Variants in DAB2IP observed in about 807,000 individuals in gnomAD.
DAB2IP encodes DAB2 interacting protein, also known as disabled homolog 2-interacting protein.
DAB2IP carries 28 observed loss-of-function variants against 107.2 expected under a neutral mutation model. The observed-to-expected ratio is 0.26, with a 90% CI of 0.19 to 0.36. DAB2IP has a LOEUF of 0.36. Ranked by LOEUF, DAB2IP falls within the 10% of genes least tolerant of loss-of-function variation. The pLI, the probability that DAB2IP is intolerant of heterozygous loss-of-function variation, is 1.00. For missense variants in DAB2IP, 1,400 were observed against 1,644.7 expected, an observed-to-expected ratio of 0.85 and a Z score of 2.57; for synonymous variants, 755 against 706.4, an observed-to-expected ratio of 1.07 and a Z score of -1.09.
At chr9:121,669,384 C>T (rs1207593288) in intron 1 of DAB2IP, among the ~76,000 whole-genome samples, 2 of 152,062 alleles carry the variant, frequency 1.3e-5, no homozygotes, top group Non-Finnish European at 2.9e-5. Context: ...AGCCAAAGAC[C>T]CACCAAGAGT....
In DAB2IP at chr9:121,772,798, T is replaced by C. The variant is rs200073956; in HGVS notation, c.2270T>C (p.Leu757Pro). 1.9e-6 allele frequency: 3 copies of C among 1,612,506 alleles called. No individual in the cohort carries two copies. The highest frequency in any genetic ancestry group is 2.5e-6 in the Non-Finnish European group (3 of 1,179,644). ...GTGGACCTCCAGGACGCCCGCACGC[T>C]GGATGGGGAGGCAGGCTCCCCGGCG... is the stretch of plus-strand genomic sequence containing the variant. Residue 757 changes from leucine to proline, a missense_variant, in exon 12 of 16, where the codon CTG (leucine) becomes CCG (proline). Leu to Pro is a moderately conservative substitution (Grantham distance 98). This residue lies in a region of DAB2IP where 600 missense variants were observed against 659.1 expected (regional missense o/e 0.91). Transcript: ENST00000408936. This position sits in a 1 kb window ranked among gnomAD's most constrained non-coding sequence, Gnocchi z 4.7.
At chr9:121,627,909 A>G (rs1831722282) in intron 1 of DAB2IP, among the ~76,000 whole-genome samples, 1 of 152,122 alleles carries the variant, frequency 6.6e-6, no homozygotes, top group Admixed American at 6.5e-5. Flanking sequence ...GCTGCGTAGA[A>G]CTTTCTGCAG....
At chr9:121,632,391 A>G (rs1206653236) in intron 1 of DAB2IP, among the ~76,000 whole-genome samples, 1 of 152,146 alleles carries the variant, frequency 6.6e-6, no homozygotes, top group Non-Finnish European at 1.5e-5. Flanking sequence ...GGACTGGAGG[A>G]GATGCAGGGA....
intron 1 of DAB2IP, among the ~76,000 whole-genome samples, chr9:121,668,053 G>A (rs1486673140): frequency 2.0e-5 from 3 of 152,114 alleles, no homozygotes; most frequent in Admixed American, 6.6e-5. Context: ...CCACCAGAAC[G>A]CTATGGGGAA....
At chr9:121,623,090 G>A (rs1037928361) in intron 1 of DAB2IP, among the ~76,000 whole-genome samples, 4 of 152,188 alleles carry the variant, frequency 2.6e-5, no homozygotes, top group Admixed American at 6.5e-5. Context: ...ACTTAAGAGA[G>A]CAATTTTGCT....
chr9:121,783,357 G>A (rs1252134843), exon 16 of DAB2IP: 9 of 1,486,396 alleles, frequency 6.1e-6, no homozygotes, highest in African/African-American at 2.8e-5. Context: ...TCTGAGCACT[G>A]TATCTGCCTT....
chr9:121,710,828 A>G (rs1363295424), intron 3 of DAB2IP, among the ~76,000 whole-genome samples: 1 of 152,192 alleles, frequency 6.6e-6, no homozygotes, highest in African/African-American at 2.4e-5. Flanking sequence ...GTACTACAGC[A>G]GACTCACCAA....
intron 3 of DAB2IP, chr9:121,742,705 C>T: frequency 1.0e-6 from 1 of 984,682 alleles, no homozygotes; most frequent in Non-Finnish European, 1.2e-6. Flanking sequence ...CCCCATCTGC[C>T]TTGGTTCCCT....
In DAB2IP at chr9:121,699,247, G is replaced by C; in HGVS notation, c.229-78G>C. 14 of 1,146,012 alleles carry C rather than the reference G, an allele frequency of 1.2e-5. No individual in the cohort carries two copies. The highest frequency in any genetic ancestry group is 1.5e-5 in the Non-Finnish European group (14 of 925,480). The allele number at this position is 1,146,012 out of a possible 1,614,324, so 71.0% of individuals were successfully genotyped here. ...CCGCGCGGCCGCCCAGCAAGGGTGC[G>C]GGTCCCGCGCGGGTCCCGGCCCGCC... On this transcript the variant is annotated intron_variant, in intron 2 of 15. Coordinates refer to ENST00000408936, the Ensembl canonical transcript of DAB2IP. The surrounding 1 kb of genome is among the most constrained non-coding windows in gnomAD (Gnocchi z 6.2).
intron 3 of DAB2IP, among the ~76,000 whole-genome samples, chr9:121,711,340 T>C (rs1269185032): frequency 6.6e-6 from 1 of 152,222 alleles, no homozygotes; most frequent in Non-Finnish European, 1.5e-5. Context: ...CTTGATGTTT[T>C]ACTCCAGTGG....
chr9:121,756,943 T>A (rs1833536100), intron 3 of DAB2IP, 70 bp from the exon 4 acceptor site: 5 of 1,605,950 alleles, frequency 3.1e-6, no homozygotes, highest in Non-Finnish European at 4.3e-6. Flanking sequence ...CCAGGGCAGA[T>A]GGGTGGGACA....
chr9:121,650,916 G>A (rs1832717837), upstream of DAB2IP, among the ~76,000 whole-genome samples: 2 of 152,190 alleles, frequency 1.3e-5, no homozygotes, highest in South Asian at 4.1e-4. Context: ...TAACAAGGAT[G>A]TTTAGACGTA....
intron 3 of DAB2IP, among the ~76,000 whole-genome samples, chr9:121,748,326 C>A (rs1255282772): frequency 1.3e-5 from 2 of 152,164 alleles, no homozygotes; most frequent in African/African-American, 4.8e-5. Flanking sequence ...TGATTGGATG[C>A]CTGGCCTCCA....
exon 9 of DAB2IP, chr9:121,766,635 A>T: frequency 6.2e-7 from 1 of 1,613,762 alleles, no homozygotes. Flanking sequence ...TGTCGCCCTC[A>T]CTCTTCAACC....
chr9:121,598,970 C>T (rs972422137), intron 1 of DAB2IP, among the ~76,000 whole-genome samples: 1 of 152,278 alleles, frequency 6.6e-6, no homozygotes, highest in East Asian at 1.9e-4. Context: ...CAGCTGGAGT[C>T]CTCGGGAGTT....
chr9:121,629,279 G>A (rs760895377), intron 1 of DAB2IP, among the ~76,000 whole-genome samples: 4 of 152,186 alleles, frequency 2.6e-5, no homozygotes, highest in Non-Finnish European at 5.9e-5. Flanking sequence ...GTTGGAAGGC[G>A]CCCTGGAGTA....
intron 3 of DAB2IP, among the ~76,000 whole-genome samples, chr9:121,718,508 A>G (rs923699941): frequency 1.3e-5 from 2 of 152,092 alleles, no homozygotes; most frequent in Non-Finnish European, 2.9e-5. Context: ...CTTACACTGC[A>G]TCACCCACTC....
chr9:121,653,475 A>G (rs1458547732), intron 1 of DAB2IP, among the ~76,000 whole-genome samples: 1 of 152,076 alleles, frequency 6.6e-6, no homozygotes, highest in Non-Finnish European at 1.5e-5. Context: ...TGGGCAAGTC[A>G]TTTCCCCTTT....
At chr9:121,600,877 G>C (rs563834578) in intron 1 of DAB2IP, among the ~76,000 whole-genome samples, 14 of 152,152 alleles carry the variant, frequency 9.2e-5, no homozygotes, top group Non-Finnish European at 1.6e-4. Flanking sequence ...CGCCTGGCTC[G>C]TAGGACAGCC....
Sources: allele counts gnomAD v4.1 joint callset (sites outside exome capture counted in the v4.1 genomes callset), GRCh38; gene constraint gnomAD v4.1.1; regional missense constraint gnomAD v4.1.1; non-coding constraint Gnocchi (gnomAD v3.1); transcripts MANE v1.5; gene names NCBI Gene and HGNC (gene_info 2026-07-23, HGNC 2026-07-21).